Variants in HTT observed in about 807,000 individuals in gnomAD.
The protein encoded by HTT is huntingtin.
Under a neutral mutation model 362.3 loss-of-function variants are expected in HTT, and 104 were observed. The observed-to-expected ratio is 0.29, with a 90% CI of 0.24 to 0.34. HTT has a LOEUF of 0.34. Ranked by LOEUF, HTT falls within the 10% of genes least tolerant of loss-of-function variation. The probability of loss-of-function intolerance (pLI) is 1.00; values close to 1 mark genes in which losing one functional copy is unlikely to be tolerated. For missense variants in HTT, 3,301 were observed against 3,928.6 expected, an observed-to-expected ratio of 0.84 and a Z score of 4.27; for synonymous variants, 1,577 against 1,548.7, an observed-to-expected ratio of 1.02 and a Z score of -0.43.
In HTT at chr4:3,174,587, C is replaced by G. The variant is rs550821802; in HGVS notation, c.4167-134C>G. The G allele has an allele frequency of 1.2e-5, 8 of 658,008 alleles. No homozygotes were observed. In the African/African-American group the frequency reaches 1.4e-4, roughly 12 times the overall value. The allele number at this position is 658,008 out of a possible 1,614,324, so 40.8% of individuals were successfully genotyped here. ...GATGCTGCCACACTGAGTGGCCTTT[C>G]AAGTTGTTTCTCAATCTGACACGTT... On this transcript the variant is annotated intron_variant, in intron 31 of 66. Transcript: ENST00000355072.
chr4:3,144,218 G>C (rs1578534452), intron 23 of HTT, among the ~76,000 whole-genome samples: 1 of 152,006 alleles, frequency 6.6e-6, no homozygotes, highest in South Asian at 2.1e-4. Context: ...ATATTTTTCA[G>C]ATATTCTCAA....
At position 3,207,294 on chromosome 4, in the gene HTT, A is replaced by C. The variant is rs1719913664; in HGVS notation, c.6089A>C (p.Gln2030Pro). The C allele has an allele frequency of 6.2e-7, 1 of 1,613,920 alleles. No individual in the cohort carries two copies. The highest frequency in any genetic ancestry group is 8.5e-7 in the Non-Finnish European group (1 of 1,179,898). The stretch of plus-strand genomic sequence containing the variant: ...TTTGTCTATTAGAGCAGCATGGCCC[A>C]GTTGCCAATGGAAGAACTCAACAGA... ...LAANLQSSMA[Q>P]LPMEELNRIQ... Residue 2030 changes from glutamine (Q) to proline (P), a missense_variant, in exon 45 of 67, where the codon CAG becomes CCG. Around this residue, in one of 4 missense-constraint regions of HTT, gnomAD observed 2,316 missense variants for 2,658.5 expected, o/e 0.87. Coordinates refer to ENST00000355072, the MANE Select transcript of HTT (RefSeq NM_001388492.1).
In HTT at chr4:3,228,489, A is replaced by C. The variant is rs1421270043; in HGVS notation, c.7849-126A>C. 1 of 1,128,610 alleles carries C rather than the reference A, an allele frequency of 8.9e-7. No homozygotes were observed. Among genetic ancestry groups the C allele is most frequent in the Non-Finnish European group, 1.2e-6 (1 of 820,950 alleles). The allele number at this position is 1,128,610 out of a possible 1,614,324, so 69.9% of individuals were successfully genotyped here. ...CCTTGCCCGTAACCTGGGGTGTCTGAACGACCCTTGCTAAGGGGCAGACTG... is the reference window on the plus strand; with the variant it reads ...CCTTGCCCGTAACCTGGGGTGTCTGCACGACCCTTGCTAAGGGGCAGACTG... On this transcript the variant is annotated intron_variant, in intron 57 of 66. Transcript: ENST00000355072. The surrounding 1 kb of genome is among the most constrained non-coding windows in gnomAD (Gnocchi z 4.3).
Position 3,188,718 on chromosome 4 carries a change from C to T in HTT, c.5226-233C>T, listed in dbSNP as rs549878556. On this transcript the variant is annotated intron_variant, in intron 39 of 66. Transcript: ENST00000355072. ...TGTATTTGTGTAATGGTGTACAGTTCACAAAGCTTAAAAAAATGCTACCTG... is the reference window on the plus strand; with the variant it reads ...TGTATTTGTGTAATGGTGTACAGTTTACAAAGCTTAAAAAAATGCTACCTG... 22 of 472,914 alleles carry T rather than the reference C, an allele frequency of 4.7e-5. No homozygotes were observed. In the South Asian group the frequency reaches 5.0e-4, roughly 11 times the overall value. 29.3% of individuals were successfully genotyped at this position (472,914 alleles called of 1,614,324 possible).
At position 3,228,582 on chromosome 4, in the gene HTT, G is replaced by A. The variant is rs149497827; in HGVS notation, c.7849-33G>A. ...CCACCAGGAGCCTGGCACTGTGGCCGCAGCACTGAGCAGTGCCCCGTTTCT... is the reference window on the plus strand; with the variant it reads ...CCACCAGGAGCCTGGCACTGTGGCCACAGCACTGAGCAGTGCCCCGTTTCT... On this transcript the variant is annotated intron_variant, in intron 57 of 66. Transcript: ENST00000355072. This position sits in a 1 kb window ranked among gnomAD's most constrained non-coding sequence, Gnocchi z 4.3. 243 of 1,524,354 alleles carry A rather than the reference G, an allele frequency of 1.6e-4. No homozygotes were observed. In the Middle Eastern group the frequency reaches 2.2e-3, roughly 14 times the overall value. 94.4% of individuals were successfully genotyped at this position (1,524,354 alleles called of 1,614,324 possible).
chr4:3,086,321 T>C (rs1189655102), intron 1 of HTT, among the ~76,000 whole-genome samples: 1 of 152,164 alleles, frequency 6.6e-6, no homozygotes, highest in Non-Finnish European at 1.5e-5. Flanking sequence ...TATGACTTCA[T>C]ATCTGTGTGA....
intron 57 of HTT, among the ~76,000 whole-genome samples, chr4:3,227,933 A>AG (rs1039436314): frequency 1.3e-5 from 2 of 152,170 alleles, no homozygotes; most frequent in African/African-American, 4.8e-5. Context: ...AGGGGAGTGC[A>AG]GGGGCTCCTC....
chr4:3,135,285 T>C (rs756571224), intron 19 of HTT, among the ~76,000 whole-genome samples: 3 of 151,806 alleles, frequency 2.0e-5, no homozygotes, highest in Admixed American at 1.3e-4. Context: ...ATTGTGGCCA[T>C]TGCACTTCAG....
chr4:3,151,453 G>A (rs1716888923), intron 26 of HTT, among the ~76,000 whole-genome samples: 1 of 152,038 alleles, frequency 6.6e-6, no homozygotes, highest in East Asian at 1.9e-4. Context: ...CTACACAAAG[G>A]AGCACCAGGG....
At chr4:3,159,613 C>T (rs1046716405) in intron 28 of HTT, among the ~76,000 whole-genome samples, 6 of 152,218 alleles carry the variant, frequency 3.9e-5, no homozygotes, top group Non-Finnish European at 7.3e-5. Context: ...CTTCTGACTT[C>T]GCCCAGAGAA....
intron 55 of HTT, 52 bp from the exon 56 acceptor site, chr4:3,223,940 T>C: frequency 3.1e-6 from 5 of 1,597,362 alleles, no homozygotes; most frequent in Non-Finnish European, 1.7e-6. Context: ...GTTTTTCACT[T>C]GTAAGATTTT....
chr4:3,207,148 G>A (rs1719903346), intron 44 of HTT, 133 bp from the exon 45 acceptor site: 1 of 1,048,162 alleles, frequency 9.5e-7, no homozygotes, highest in Admixed American at 2.2e-5. Context: ...CGATCTGACT[G>A]TTTCTTGTAT....
chr4:3,183,790 C>T (rs77831314), intron 37 of HTT, among the ~76,000 whole-genome samples: 3,379 of 151,690 alleles, frequency 0.022, 95 homozygotes, highest in African/African-American at 0.067. Flanking sequence ...ATAGTAAATA[C>T]CTGACTTAAT....
chr4:3,180,313 A>G (rs1022119354), intron 35 of HTT, among the ~76,000 whole-genome samples: 1 of 152,166 alleles, frequency 6.6e-6, no homozygotes. Flanking sequence ...AGAAGTCATC[A>G]CAAAATGATC....
chr4:3,165,485 G>C (rs1560576068), intron 29 of HTT, among the ~76,000 whole-genome samples: 1 of 152,036 alleles, frequency 6.6e-6, no homozygotes, highest in African/African-American at 2.4e-5. Context: ...AAGTTCTCCT[G>C]GATAATATCC....
Position 3,217,948 on chromosome 4 carries a change from C to G in HTT, c.7238C>G (p.Pro2413Arg). ...PLVNSYTRVP[P>R]LVWKLGWSPK... ...GTCAACAGCTACACACGTGTGCCCCCACTGGTGAGTCTGCTCGTTCCTTGC... is the reference window on the plus strand; with the variant it reads ...GTCAACAGCTACACACGTGTGCCCCGACTGGTGAGTCTGCTCGTTCCTTGC... Residue 2413 changes from proline to arginine, a missense_variant, in exon 52 of 67, where the codon CCA becomes CGA. Around this residue, in one of 4 missense-constraint regions of HTT, gnomAD observed 753 missense variants for 1,021.3 expected, o/e 0.74. Coordinates refer to ENST00000355072, the MANE Select transcript of HTT (RefSeq NM_001388492.1). 2 of 1,607,132 alleles carry G rather than the reference C, an allele frequency of 1.2e-6. No homozygotes were observed. The highest frequency in any genetic ancestry group is 1.7e-6 in the Non-Finnish European group (2 of 1,177,066).
chr4:3,086,307 G>A (rs1713203362), intron 1 of HTT, among the ~76,000 whole-genome samples: 1 of 152,168 alleles, frequency 6.6e-6, no homozygotes. Flanking sequence ...TTAAATGCTG[G>A]CTGTATGACT....
intron 61 of HTT, 65 bp downstream of exon 61, chr4:3,233,418 C>A: frequency 6.8e-7 from 1 of 1,467,776 alleles, no homozygotes; most frequent in Non-Finnish European, 9.4e-7. Context: ...GAAGCAGCAT[C>A]ACCCTCTCCA....
In HTT at chr4:3,187,553, T is replaced by C; in HGVS notation, c.4990-98T>C. The stretch of plus-strand genomic sequence containing the variant: ...ATAGAGAGGTTTATTGGTAGGATAG[T>C]AAAATAGGAGTTATTTTCTTTCACA... On this transcript the variant is annotated intron_variant, in intron 38 of 66. Transcript: ENST00000355072. The C allele has an allele frequency of 4.9e-6, 4 of 812,476 alleles. No homozygotes were observed. In the South Asian group the frequency reaches 6.4e-5, roughly 13 times the overall value. 50.3% of individuals were successfully genotyped at this position (812,476 alleles called of 1,614,324 possible). A position where few individuals can be genotyped will look rare whatever the true frequency, so the allele number is the denominator to read the frequency against.
Sources: gnomAD v4.1 joint callset for allele counts (sites outside exome capture counted in the v4.1 genomes callset) on GRCh38, gnomAD v4.1.1 for gene constraint, gnomAD v4.1.1 regional missense constraint, Gnocchi (gnomAD v3.1) non-coding constraint, MANE v1.5 for transcripts, NCBI Gene and HGNC (gene_info 2026-07-23, HGNC 2026-07-21) for gene names.